DGLUCY: variants seen among roughly 807,000 people sequenced by gnomAD.
DGLUCY encodes the protein D-glutamate cyclase, mitochondrial.
In DGLUCY, 58 loss-of-function variants were observed where a neutral mutation model predicts 58.5. The observed-to-expected ratio is 0.99, with a 90% CI of 0.80 to 1.23. DGLUCY has a LOEUF of 1.23. Among genes scored for constraint, DGLUCY ranks in the 50% most tolerant of loss-of-function variants. The probability of loss-of-function intolerance (pLI) is 0.00; values close to 1 mark genes in which losing one functional copy is unlikely to be tolerated. For synonymous variants in DGLUCY, 325 were observed against 314.1 expected, an observed-to-expected ratio of 1.03 and a Z score of -0.37; for missense variants, 779 against 784.7, an observed-to-expected ratio of 0.99 and a Z score of 0.09.
At chr14:91,186,263 T>A (rs993106318) in intron 8 of DGLUCY, among the ~76,000 whole-genome samples, 1 of 152,122 alleles carries the variant, frequency 6.6e-6, no homozygotes, top group African/African-American at 2.4e-5. Context: ...CCCCCTTTTT[T>A]TGAGACAGAG....
intron 3 of DGLUCY, among the ~76,000 whole-genome samples, chr14:91,164,527 G>A (rs2048168778): frequency 6.6e-6 from 1 of 152,194 alleles, no homozygotes; most frequent in Non-Finnish European, 1.5e-5. Flanking sequence ...TGTGATCTAA[G>A]CTGTTTCTGC....
chr14:91,073,584 G>T (rs796158917), intron 1 of DGLUCY, among the ~76,000 whole-genome samples: 2 of 152,088 alleles, frequency 1.3e-5, no homozygotes, highest in Non-Finnish European at 2.9e-5. Flanking sequence ...ATCCATCCCC[G>T]TCGGGATTAC....
At chr14:91,102,830 C>T (rs1237313603) in intron 1 of DGLUCY, among the ~76,000 whole-genome samples, 2 of 150,976 alleles carry the variant, frequency 1.3e-5, no homozygotes, top group Non-Finnish European at 1.5e-5. Flanking sequence ...GGCGTGATCT[C>T]GGTTCACTGC....
chr14:91,139,904 C>T, intron 1 of DGLUCY, among the ~76,000 whole-genome samples: 1 of 152,098 alleles, frequency 6.6e-6, no homozygotes, highest in African/African-American at 2.4e-5. Flanking sequence ...GGGGAGAAAG[C>T]AGGATGGAGG....
At chr14:91,209,799 A>G (rs1885382638) in intron 12 of DGLUCY, among the ~76,000 whole-genome samples, 1 of 152,248 alleles carries the variant, frequency 6.6e-6, no homozygotes, top group Non-Finnish European at 1.5e-5. Flanking sequence ...AACTGTAAAG[A>G]CACTATATGT....
At chr14:91,088,453 A>G (rs945072785) in intron 1 of DGLUCY, among the ~76,000 whole-genome samples, 1 of 152,152 alleles carries the variant, frequency 6.6e-6, no homozygotes, top group African/African-American at 2.4e-5. Context: ...ACAGTCCTAG[A>G]GCTTCTACCT....
intron 1 of DGLUCY, among the ~76,000 whole-genome samples, chr14:91,123,789 G>A (rs890794188): frequency 3.3e-5 from 5 of 152,070 alleles, no homozygotes; most frequent in African/African-American, 1.2e-4. Flanking sequence ...ATGTTGCTAG[G>A]CTAGTCTTGA....
chr14:91,205,797 C>CTTCTT (rs1884530763), intron 12 of DGLUCY, among the ~76,000 whole-genome samples: 6 of 66,316 alleles, frequency 9.0e-5, no homozygotes, highest in Admixed American at 1.5e-4. Context: ...TTCTTCTTCT[C>CTTCTT]CGTCTCCTTC....
At chr14:91,210,480 T>C (rs2140686608) in intron 12 of DGLUCY, among the ~76,000 whole-genome samples, 1 of 152,226 alleles carries the variant, frequency 6.6e-6, no homozygotes, top group South Asian at 2.1e-4. Flanking sequence ...TGCAGTCTGC[T>C]GGGTTGTACC....
chr14:91,189,876 T>G (rs1280917870), intron 9 of DGLUCY: 1 of 152,308 alleles, frequency 6.6e-6, no homozygotes, highest in Non-Finnish European at 1.5e-5. Flanking sequence ...AAGCACCCAT[T>G]ATGTCAGAAG....
chr14:91,063,396 C>A (rs2043765567), intron 1 of DGLUCY, among the ~76,000 whole-genome samples: 1 of 152,148 alleles, frequency 6.6e-6, no homozygotes, highest in African/African-American at 2.4e-5. Flanking sequence ...ATCACTCACA[C>A]TCTTCTCTTT....
intron 1 of DGLUCY, chr14:91,060,754 C>T: frequency 4.3e-6 from 1 of 232,384 alleles, no homozygotes; most frequent in Non-Finnish European, 8.4e-6. Flanking sequence ...AGGGCGCGCG[C>T]GTCTGCCAAC....
At chr14:91,143,920 G>C (rs2046875193) in intron 1 of DGLUCY, among the ~76,000 whole-genome samples, 1 of 152,122 alleles carries the variant, frequency 6.6e-6, no homozygotes, top group Non-Finnish European at 1.5e-5. Context: ...AATAAGTAGA[G>C]TCAATTATTA....
chr14:91,181,830 A>G (rs2049189486), intron 8 of DGLUCY, among the ~76,000 whole-genome samples: 1 of 151,676 alleles, frequency 6.6e-6, no homozygotes, highest in Non-Finnish European at 1.5e-5. Flanking sequence ...TATTTTTAGC[A>G]GAGACAGGAT....
At chr14:91,119,230 A>G (rs1316987756) in intron 1 of DGLUCY, among the ~76,000 whole-genome samples, 1 of 151,976 alleles carries the variant, frequency 6.6e-6, no homozygotes. Context: ...TTTTCTGCAT[A>G]GTCAAAAGTG....
chr14:91,131,126 T>G (rs1249995594), intron 1 of DGLUCY, among the ~76,000 whole-genome samples: 1 of 152,138 alleles, frequency 6.6e-6, no homozygotes, highest in Non-Finnish European at 1.5e-5. Context: ...AGTTTGGTAT[T>G]TTTAGTAGAG....
upstream of DGLUCY, among the ~76,000 whole-genome samples, chr14:91,110,910 C>T (rs915409017): frequency 1.3e-5 from 2 of 152,200 alleles, no homozygotes; most frequent in Admixed American, 1.3e-4. Flanking sequence ...CGTTCTCCTT[C>T]TGCCACCCTT....
chr14:91,130,753 G>A (rs1417134679), intron 1 of DGLUCY, among the ~76,000 whole-genome samples: 1 of 151,746 alleles, frequency 6.6e-6, no homozygotes, highest in Non-Finnish European at 1.5e-5. Context: ...CAAGTAGTTG[G>A]GACCACAGAT....
At chr14:91,170,462 TG>T (rs2048517975) in intron 5 of DGLUCY, among the ~76,000 whole-genome samples, 1 of 152,174 alleles carries the variant, frequency 6.6e-6, no homozygotes, top group African/African-American at 2.4e-5. Flanking sequence ...CAAACCTGCT[TG>T]GGATTTCTCT....
Sources: allele counts gnomAD v4.1 joint callset (sites outside exome capture counted in the v4.1 genomes callset), GRCh38; gene constraint gnomAD v4.1.1; transcripts MANE v1.5; gene names NCBI Gene and HGNC (gene_info 2026-07-23, HGNC 2026-07-21).